The following DNAJA1 variants were observed in gnomAD, a reference collection of about 807,000 sequenced individuals.
DNAJA1 encodes dnaJ homolog subfamily A member 1.
DNAJA1 carries 26 observed loss-of-function variants against 47.6 expected under a neutral mutation model. The ratio of observed to expected loss-of-function variants is 0.55; its 90% confidence interval spans 0.40 to 0.76. DNAJA1 has a LOEUF of 0.76. Among genes scored for constraint, DNAJA1 ranks in the 30% least tolerant of loss-of-function variants. The pLI is 0.00. For synonymous variants in DNAJA1, 165 were observed against 158.4 expected, an observed-to-expected ratio of 1.04 and a Z score of -0.31; for missense variants, 315 against 485.0, an observed-to-expected ratio of 0.65 and a Z score of 3.29.
chr9:33,032,929 A>T (rs1838982315), intron 5 of DNAJA1, among the ~76,000 whole-genome samples: 1 of 152,162 alleles, frequency 6.6e-6, no homozygotes, highest in African/African-American at 2.4e-5. Context: ...GTAGGAATTC[A>T]TTGTACTGTT....
intron 6 of DNAJA1, among the ~76,000 whole-genome samples, chr9:33,035,762 C>T (rs905139182): frequency 3.9e-5 from 6 of 152,066 alleles, no homozygotes; most frequent in Admixed American, 2.0e-4. Context: ...AGCCACCGCG[C>T]CCAGCCTAAA....
Position 33,030,642 on chromosome 9 carries a change from A to C in DNAJA1, c.618A>C (p.Lys206Asn). The C allele has an allele frequency of 6.2e-7, 1 of 1,613,462 alleles. No individual in the cohort carries two copies. Among genetic ancestry groups the C allele is most frequent in the South Asian group, 1.1e-5 (1 of 90,916 alleles). ...CNGRKIVREKKILEVHIDKGM... is the reference protein window; with the variant it reads ...CNGRKIVREKNILEVHIDKGM... Reference sequence around the variant, plus strand: ...GAAGGAAGATAGTTCGAGAGAAGAAAATTTTAGAAGTTCATATTGACAAAG... The same window carrying C: ...GAAGGAAGATAGTTCGAGAGAAGAACATTTTAGAAGTTCATATTGACAAAG... The change falls in exon 5 of 9, where the codon AAA becomes AAC. Residue 206 changes from lysine (K) to asparagine (N), a missense_variant. Coordinates refer to ENST00000330899, the MANE Select transcript of DNAJA1 (RefSeq NM_001539.4).
In DNAJA1 at chr9:33,039,561, A is replaced by ATATATAT. The variant is rs74178844; in HGVS notation, c.*658_*659insTATATAT. The ATATATAT allele has an allele frequency of 2.3e-4, 32 of 141,966 alleles. No individual in the cohort carries two copies. The highest frequency in any genetic ancestry group is 3.8e-4 in the Non-Finnish European group (24 of 62,808). 8.8% of individuals were successfully genotyped at this position (141,966 alleles called of 1,614,324 possible). A position where few individuals can be genotyped will look rare whatever the true frequency, so the allele number is the denominator to read the frequency against. ...CATATATATATACATATATATATAT[A>ATATATAT]ATCTTGACCAGTCCTGGTCATTTGC... On this transcript the variant is annotated 3_prime_UTR_variant, in exon 9 of 9. Transcript: ENST00000330899.
At chr9:33,035,721 G>A (rs779845185) in intron 6 of DNAJA1, among the ~76,000 whole-genome samples, 4 of 151,696 alleles carry the variant, frequency 2.6e-5, no homozygotes, top group South Asian at 4.2e-4. Context: ...CACCTGCCTC[G>A]GCCTCCCAAA....
At chr9:33,025,866 G>A (rs1355842397) in intron 1 of DNAJA1, among the ~76,000 whole-genome samples, 1 of 152,210 alleles carries the variant, frequency 6.6e-6, no homozygotes, top group African/African-American at 2.4e-5. Flanking sequence ...TTGGGTCCAG[G>A]GTGGGAGGGA....
chr9:33,029,114 A>T (rs550129610), intron 3 of DNAJA1, among the ~76,000 whole-genome samples: 1 of 152,236 alleles, frequency 6.6e-6, no homozygotes, highest in Non-Finnish European at 1.5e-5. Context: ...ACTCCTTAGT[A>T]GCCACTGGCC....
chr9:33,029,807 AC>A lies in DNAJA1; in HGVS notation c.311-77del. On this transcript the variant is annotated intron_variant, in intron 3 of 8. Transcript: ENST00000330899. ...GGCTCATCTTTTATTATTCTTTGCCACATTCTTTATAGTGCCTTTAGCACAA... is the reference window on the plus strand; with the variant it reads ...GGCTCATCTTTTATTATTCTTTGCCAATTCTTTATAGTGCCTTTAGCACAA... The A allele has an allele frequency of 3.4e-6, 4 of 1,185,014 alleles. 1 individual carries two copies. Among genetic ancestry groups the A allele is most frequent in the South Asian group, 2.8e-5 (2 of 71,850 alleles). 73.4% of individuals were successfully genotyped at this position (1,185,014 alleles called of 1,614,324 possible). A position where few individuals can be genotyped will look rare whatever the true frequency, so the allele number is the denominator to read the frequency against.
At position 33,037,107 on chromosome 9, in the gene DNAJA1, G is replaced by A; in HGVS notation, c.967G>A (p.Glu323Lys). Residue 323 changes from glutamate (E) to lysine (K), a missense_variant, in exon 8 of 9, where the codon GAA becomes AAA. By Grantham distance (56) the Glu-to-Lys change is moderately conservative. Around this residue, in one of 4 missense-constraint regions of DNAJA1, gnomAD observed 162 missense variants for 185.4 expected, o/e 0.87. Transcript: ENST00000330899. Reference sequence around the variant, plus strand: ...ATATGAAAAGGGTCGCCTAATCATCGAATTTAAGGTAAGCTGTAATGTACT... The same window carrying A: ...ATATGAAAAGGGTCGCCTAATCATCAAATTTAAGGTAAGCTGTAATGTACT... ...RPYEKGRLII[E>K]FKVNFPENGF... 1 of 1,613,408 alleles carries A rather than the reference G, an allele frequency of 6.2e-7. No homozygotes were observed. The highest frequency in any genetic ancestry group is 2.2e-5 in the East Asian group (1 of 44,856).
At chr9:33,030,415 T>C (rs1297262714) in intron 4 of DNAJA1, 25 bp from the exon 5 acceptor site, 2 of 1,587,382 alleles carry the variant, frequency 1.3e-6, no homozygotes, top group Admixed American at 1.7e-5. Context: ...ATTCATACAT[T>C]ATTTAATTTT....
intron 3 of DNAJA1, among the ~76,000 whole-genome samples, chr9:33,028,875 G>C (rs756882295): frequency 1.3e-5 from 2 of 152,230 alleles, no homozygotes; most frequent in African/African-American, 2.4e-5. Context: ...GGTATTTCAT[G>C]CTTGATTAGA....
intron 3 of DNAJA1, among the ~76,000 whole-genome samples, chr9:33,027,395 T>C (rs1321256429): frequency 6.6e-6 from 1 of 151,970 alleles, no homozygotes; most frequent in African/African-American, 2.4e-5. Flanking sequence ...CCTCAGGTGG[T>C]GATCCACCTG....
chr9:33,032,957 A>AT (rs1838982549), intron 5 of DNAJA1, among the ~76,000 whole-genome samples: 1 of 152,174 alleles, frequency 6.6e-6, no homozygotes. Context: ...TTTATACAGG[A>AT]TTAATATTTT....
Position 33,030,057 on chromosome 9 carries a change from GCTAAGAC to G in DNAJA1, c.415+69_415+75del. On this transcript the variant is annotated intron_variant, in intron 4 of 8. Transcript: ENST00000330899. The stretch of plus-strand genomic sequence containing the variant: ...CTTTAATATGACACCTGAAAATGGA[GCTAAGAC>G]TTCTAGATAGATATGTAAAATTGAT... 2.1e-6 allele frequency: 3 copies of G among 1,419,572 alleles called. No individual in the cohort carries two copies. In the East Asian group the frequency reaches 6.9e-5, roughly 33 times the overall value. The allele number at this position is 1,419,572 out of a possible 1,614,324, so 87.9% of individuals were successfully genotyped here.
chr9:33,029,515 C>T (rs1838927882), intron 3 of DNAJA1, among the ~76,000 whole-genome samples: 1 of 152,206 alleles, frequency 6.6e-6, no homozygotes, highest in Non-Finnish European at 1.5e-5. Flanking sequence ...GAAGTGAAAG[C>T]TTCAAAAAAT....
chr9:33,035,960 G>A (rs759648866), intron 6 of DNAJA1, among the ~76,000 whole-genome samples: 9 of 152,092 alleles, frequency 5.9e-5, no homozygotes, highest in Non-Finnish European at 1.0e-4. Flanking sequence ...TAATTTCATA[G>A]AGCCTAAATT....
chr9:33,036,529 G>T (rs1271998931), intron 6 of DNAJA1, 45 bp from the exon 7 acceptor site: 1 of 1,349,142 alleles, frequency 7.4e-7, no homozygotes, highest in South Asian at 1.3e-5. Context: ...TACATCTACT[G>T]ATTCGTGATT....
rs3832625 is a variant in DNAJA1 at position 33,034,338 on chromosome 9, C to CT, written c.758+12dup. On this transcript the variant is annotated intron_variant, in intron 6 of 8. Transcript: ENST00000330899. ...CCATGCTGTTTTTACTCGGTAAAGA[C>CT]TTTTATCAACCACTCAAATTGATAT... The CT allele has an allele frequency of 0.037, 58,381 of 1,590,248 alleles. 1,348 individuals carry two copies. Among genetic ancestry groups the CT allele is most frequent in the East Asian group, 0.1 (4,674 of 44,632 alleles).
intron 5 of DNAJA1, among the ~76,000 whole-genome samples, chr9:33,032,770 T>C (rs1423413769): frequency 1.3e-5 from 2 of 152,176 alleles, no homozygotes; most frequent in African/African-American, 2.4e-5. Flanking sequence ...TTTAAGTCCT[T>C]ATTTAAGAGG....
intron 4 of DNAJA1, 102 bp from the exon 5 acceptor site, chr9:33,030,338 G>A (rs1375967432): frequency 2.6e-5 from 31 of 1,176,062 alleles, no homozygotes; most frequent in South Asian, 3.1e-5. Context: ...ATCAGGCTTC[G>A]AAAATATTAA....
Sources: allele counts gnomAD v4.1 joint callset (sites outside exome capture counted in the v4.1 genomes callset), GRCh38; gene constraint gnomAD v4.1.1; regional missense constraint gnomAD v4.1.1; transcripts MANE v1.5; gene names NCBI Gene and HGNC (gene_info 2026-07-23, HGNC 2026-07-21).